MBNL2: variants seen among roughly 807,000 people sequenced by gnomAD.
The protein encoded by MBNL2 is muscleblind-like protein 2.
In MBNL2, 17 loss-of-function variants were observed where a neutral mutation model predicts 41.9. The observed-to-expected ratio is 0.41, with a 90% CI of 0.28 to 0.61. The LOEUF (loss-of-function observed/expected upper bound fraction) is 0.61, where lower values mean the gene tolerates loss of function less well. Among genes scored for constraint, MBNL2 ranks in the 20% least tolerant of loss-of-function variants. The probability of loss-of-function intolerance (pLI) is 0.35; values close to 1 mark genes in which losing one functional copy is unlikely to be tolerated. For synonymous variants in MBNL2, 195 were observed against 182.9 expected, an observed-to-expected ratio of 1.07 and a Z score of -0.53; for missense variants, 336 against 505.6, an observed-to-expected ratio of 0.66 and a Z score of 3.22.
At chr13:97,155,600 T>G in the MBNL2 span, among the ~76,000 whole-genome samples, 1 of 145,822 alleles carries the variant, frequency 6.9e-6, no homozygotes, top group African/African-American at 2.5e-5. Flanking sequence ...CCTGTGTCCA[T>G]GTGATCTGAT....
chr13:97,192,620 A>G, the MBNL2 span, among the ~76,000 whole-genome samples: 3 of 152,206 alleles, frequency 2.0e-5, no homozygotes, highest in Admixed American at 6.5e-5. Flanking sequence ...TGGTTTGGCA[A>G]TCAGGAAACC....
At chr13:97,365,997 T>G (rs1161697934) in intron 8 of MBNL2, among the ~76,000 whole-genome samples, 1 of 152,114 alleles carries the variant, frequency 6.6e-6, no homozygotes, top group Non-Finnish European at 1.5e-5. Flanking sequence ...TAACCATAAT[T>G]CCAAAGAACA....
rs570073038 is a variant in MBNL2 at position 97,366,134 on chromosome 13, CATACACTGT to C, written c.1048+972_1048+980del. On this transcript the variant is annotated intron_variant, in intron 8 of 8. Coordinates refer to ENST00000679496, the MANE Select transcript of MBNL2 (RefSeq NM_001382683.1). This position sits in a 1 kb window ranked among gnomAD's most constrained non-coding sequence, Gnocchi z 4.7. ...ACAATTTTAGAAACAACCATTATTGCATACACTGTATACACTGAATTGGGAATGGATCTA... is the reference window on the plus strand; with the variant it reads ...ACAATTTTAGAAACAACCATTATTGCATACACTGAATTGGGAATGGATCTA... Among the ~76,000 whole-genome samples the C allele has an allele frequency of 2.1e-4, 32 of 152,120 alleles. No homozygotes were observed. The highest frequency in any genetic ancestry group is 3.8e-4 in the Non-Finnish European group (26 of 68,004).
chr13:97,189,748 C>T, the MBNL2 span, among the ~76,000 whole-genome samples: 1 of 152,142 alleles, frequency 6.6e-6, no homozygotes, highest in Admixed American at 6.5e-5. Flanking sequence ...TCATCTATCA[C>T]CCTATGTACA....
intron 1 of MBNL2, among the ~76,000 whole-genome samples, chr13:97,242,721 T>C (rs1695649718): frequency 6.6e-6 from 1 of 151,170 alleles, no homozygotes; most frequent in South Asian, 2.1e-4. Flanking sequence ...TGAGGGTACC[T>C]AAGAAACATT....
chr13:97,187,290 C>T, the MBNL2 span, among the ~76,000 whole-genome samples: 1 of 152,026 alleles, frequency 6.6e-6, no homozygotes, highest in Non-Finnish European at 1.5e-5. Context: ...GTAATAGAGA[C>T]ATATAATAAA....
chr13:97,282,046 G>A (rs1395108900), intron 2 of MBNL2, among the ~76,000 whole-genome samples: 1 of 111,164 alleles, frequency 9.0e-6, no homozygotes, highest in African/African-American at 2.6e-5. Context: ...AGCATGTTGA[G>A]GTCCAAAAAA....
chr13:97,229,748 G>A (rs912686388), intron 1 of MBNL2, among the ~76,000 whole-genome samples: 18 of 152,104 alleles, frequency 1.2e-4, no homozygotes, highest in Non-Finnish European at 2.2e-4. Flanking sequence ...TGAATGAGCT[G>A]AAGGGCCCTG....
the MBNL2 span, among the ~76,000 whole-genome samples, chr13:97,187,841 G>A: frequency 4.0e-5 from 6 of 151,426 alleles, no homozygotes; most frequent in Middle Eastern, 3.2e-3. Flanking sequence ...CCGGGACGGC[G>A]GAGCCTGCAG....
chr13:97,277,495 T>G (rs939947231), intron 2 of MBNL2, among the ~76,000 whole-genome samples: 1 of 152,208 alleles, frequency 6.6e-6, no homozygotes, highest in Non-Finnish European at 1.5e-5. Context: ...TATTCTTGGG[T>G]GTTAAAGAGA....
chr13:97,164,298 G>A, the MBNL2 span, among the ~76,000 whole-genome samples: 11 of 152,258 alleles, frequency 7.2e-5, no homozygotes, highest in South Asian at 2.1e-4. Flanking sequence ...ATGAGCCACC[G>A]CACCCAGTTG....
the MBNL2 span, among the ~76,000 whole-genome samples, chr13:97,210,571 A>ATTTTTTTTTTTTTTTTTTTTTTTT: frequency 1.5e-5 from 1 of 65,410 alleles, no homozygotes; most frequent in African/African-American, 6.3e-5. Context: ...ACAACTGTGA[A>ATTTTTTTTTTTTTTTTTTTTTTTT]TTTTTTTTTT....
At position 97,345,468 on chromosome 13, in the gene MBNL2, A is replaced by G. The variant is rs564171194; in HGVS notation, c.541-1336A>G. 7.9e-5 allele frequency among the ~76,000 whole-genome samples: 12 copies of G among 152,248 alleles called. 1 individual carries two copies. Among genetic ancestry groups the G allele is most frequent in the Non-Finnish European group, 1.3e-4 (9 of 68,052 alleles). On this transcript the variant is annotated intron_variant, in intron 4 of 8. Coordinates refer to ENST00000679496, the MANE Select transcript of MBNL2 (RefSeq NM_001382683.1). ...TCATACAGTAAAATCTTGATCCACC[A>G]GAATTCTCAGGGGATAGAGAATCCT...
At chr13:97,318,196 G>A (rs1281391742) in intron 2 of MBNL2, among the ~76,000 whole-genome samples, 1 of 152,234 alleles carries the variant, frequency 6.6e-6, no homozygotes, top group Admixed American at 6.5e-5. Flanking sequence ...ACACTAAGGA[G>A]ATCATTCCTG....
chr13:97,144,085 C>A, the MBNL2 span, among the ~76,000 whole-genome samples: 1 of 152,206 alleles, frequency 6.6e-6, no homozygotes, highest in East Asian at 1.9e-4. Context: ...CTCAAGTAAT[C>A]TGCCTTCCTC....
intron 1 of MBNL2, among the ~76,000 whole-genome samples, chr13:97,238,865 A>G (rs2043772393): frequency 6.6e-6 from 1 of 152,142 alleles, no homozygotes. Context: ...GGCCACTGGG[A>G]AAAAATGGTT....
chr13:97,339,826 T>G (rs763060215), intron 3 of MBNL2, among the ~76,000 whole-genome samples: 4 of 145,870 alleles, frequency 2.7e-5, no homozygotes, highest in Non-Finnish European at 4.5e-5. Flanking sequence ...CACCAAACGC[T>G]CTCTGCATTC....
At chr13:97,227,052 A>C (rs199861825) in intron 1 of MBNL2, among the ~76,000 whole-genome samples, 4,665 of 101,076 alleles carry the variant, frequency 0.046, 104 homozygotes, top group South Asian at 0.15. Context: ...AAAAAAAAAA[A>C]CAAAAAAAAA....
At chr13:97,209,557 A>G in the MBNL2 span, among the ~76,000 whole-genome samples, 1 of 152,226 alleles carries the variant, frequency 6.6e-6, no homozygotes, top group Non-Finnish European at 1.5e-5. Flanking sequence ...AATATTGAAG[A>G]CATAAAGATA....
Sources: allele counts gnomAD v4.1 joint callset (sites outside exome capture counted in the v4.1 genomes callset), GRCh38; gene constraint gnomAD v4.1.1; non-coding constraint Gnocchi (gnomAD v3.1); transcripts MANE v1.5; gene names NCBI Gene and HGNC (gene_info 2026-07-23, HGNC 2026-07-21).